The following AKT2 variants were observed in gnomAD, a reference collection of about 807,000 sequenced individuals.
AKT2 encodes RAC-beta serine/threonine-protein kinase.
A neutral mutation model predicts 58.6 loss-of-function variants in AKT2; 16 were observed. That is an observed-to-expected ratio of 0.27 (90% CI 0.18 to 0.41). The LOEUF is 0.41. Among genes scored for constraint, AKT2 ranks in the 10% least tolerant of loss-of-function variants. The pLI, the probability that AKT2 is intolerant of heterozygous loss-of-function variation, is 1.00. For missense variants in AKT2, 438 were observed against 661.0 expected (o/e 0.66, Z 3.70); for synonymous variants, 253 against 254.0 (o/e 1.00, Z 0.04).
At chr19:40,241,555 A>G (rs1275335450) in intron 6 of AKT2, 2 of 276,322 alleles carry the variant, frequency 7.2e-6, no homozygotes, top group Non-Finnish European at 1.4e-5. Context: ...ACTACAAAAA[A>G]TTCAAATAAG....
At chr19:40,265,439 G>A (rs568753872) in intron 1 of AKT2, 88 bp from the exon 2 acceptor site, 2 of 1,496,122 alleles carry the variant, frequency 1.3e-6, no homozygotes, top group Admixed American at 2.0e-5. Context: ...AGGCCCTCTG[G>A]CTGTTCTGCC....
chr19:40,252,077 G>A (rs1169569978), intron 4 of AKT2, among the ~76,000 whole-genome samples: 1 of 152,154 alleles, frequency 6.6e-6, no homozygotes, highest in Non-Finnish European at 1.5e-5. Flanking sequence ...AGGAGGCGCT[G>A]CAGCACCTAG....
At chr19:40,251,946 G>A (rs149548575) in intron 4 of AKT2, among the ~76,000 whole-genome samples, 4 of 152,304 alleles carry the variant, frequency 2.6e-5, no homozygotes, top group African/African-American at 9.6e-5. Flanking sequence ...GGAGTGGGGC[G>A]CGTGGATGTC....
At chr19:40,264,718 C>T (rs976501443) in intron 2 of AKT2, among the ~76,000 whole-genome samples, 1 of 151,944 alleles carries the variant, frequency 6.6e-6, no homozygotes, top group Non-Finnish European at 1.5e-5. Flanking sequence ...TTGATGCCCC[C>T]CCGCCCCCAG....
rs764473862 is a variant in AKT2, at chr19:40,235,509, G to C, written c.1176-159C>G. 1.3e-6 allele frequency: 1 copy of C among 749,022 alleles called. No homozygotes were observed. Among genetic ancestry groups the C allele is most frequent in the Admixed American group, 2.0e-5 (1 of 49,120 alleles). The allele number at this position is 749,022 out of a possible 1,614,324, so 46.4% of individuals were successfully genotyped here. Reference sequence around the variant, plus strand: ...ACCGAGGCTCAGGGAGGGAGCTCACGTGCCCAGGGTCAGAGCCAGGGAGTC... The same window carrying C: ...ACCGAGGCTCAGGGAGGGAGCTCACCTGCCCAGGGTCAGAGCCAGGGAGTC... On this transcript the variant is annotated intron_variant, in intron 11 of 13. Transcript: ENST00000392038. This position sits in a 1 kb window ranked among gnomAD's most constrained non-coding sequence, Gnocchi z 6.3.
Position 40,234,385 on chromosome 19 carries a change from A to C in AKT2, c.1367-434T>G, listed in dbSNP as rs1973881836. On this transcript the variant is annotated intron_variant, in intron 13 of 13. Coordinates refer to ENST00000392038, the MANE Select transcript of AKT2 (RefSeq NM_001626.6). This position sits in a 1 kb window ranked among gnomAD's most constrained non-coding sequence, Gnocchi z 4.7. Reference sequence around the variant, plus strand: ...CATGGCTGGCTCCCGCCATGCAAGCAGTCCCCACCCCTCCCAGTGGCCCCC... The same window carrying C: ...CATGGCTGGCTCCCGCCATGCAAGCCGTCCCCACCCCTCCCAGTGGCCCCC... 4.4e-6 allele frequency: 1 copy of C among 226,876 alleles called. No individual in the cohort carries two copies. Among genetic ancestry groups the C allele is most frequent in the South Asian group, 1.1e-4 (1 of 9,442 alleles). 14.1% of individuals were successfully genotyped at this position (226,876 alleles called of 1,614,324 possible).
intron 1 of AKT2, among the ~76,000 whole-genome samples, chr19:40,279,960 A>T (rs1480121353): frequency 1.3e-5 from 2 of 152,088 alleles, no homozygotes; most frequent in Non-Finnish European, 2.9e-5. Context: ...CCCTACCCAC[A>T]CGTCACCTCC....
chr19:40,285,273 G>A lies in AKT2; in HGVS notation c.-177C>T. 1 of 395,230 alleles carries A rather than the reference G, an allele frequency of 2.5e-6. No individual in the cohort carries two copies. Among genetic ancestry groups the A allele is most frequent in the East Asian group, 3.6e-5 (1 of 27,804 alleles). The allele number at this position is 395,230 out of a possible 1,614,324, so 24.5% of individuals were successfully genotyped here. A position where few individuals can be genotyped will look rare whatever the true frequency, so the allele number is the denominator to read the frequency against. ...TTCCCTTTCCTTGTGTTTCCCGGCA[G>A]CGGCAACGGCGCCGGCAGCGGCAGC... On this transcript the variant is annotated 5_prime_UTR_variant, in exon 1 of 14. Transcript: ENST00000392038.
chr19:40,284,281 A>C (rs2086368483), intron 1 of AKT2, among the ~76,000 whole-genome samples: 2 of 152,120 alleles, frequency 1.3e-5, no homozygotes, highest in South Asian at 4.1e-4. Flanking sequence ...ACGGCTCCTC[A>C]AATCCAAGCC....
intron 4 of AKT2, among the ~76,000 whole-genome samples, chr19:40,246,956 C>T (rs1974796886): frequency 6.6e-6 from 1 of 152,226 alleles, no homozygotes; most frequent in Non-Finnish European, 1.5e-5. Context: ...AGGGAGGGTG[C>T]CGAAGACACT....
chr19:40,236,204 G>A (rs757215727), intron 10 of AKT2, 53 bp downstream of exon 10: 19 of 1,613,296 alleles, frequency 1.2e-5, no homozygotes, highest in Non-Finnish European at 1.6e-5. Context: ...CAGGTCTGGG[G>A]GATCCCCCTA....
Position 40,242,076 on chromosome 19 carries a change from G to A in AKT2, c.442-7C>T. 5 of 1,614,202 alleles carry A rather than the reference G, an allele frequency of 3.1e-6. No homozygotes were observed. The highest frequency in any genetic ancestry group is 4.2e-6 in the Non-Finnish European group (5 of 1,180,046). Reference sequence around the variant, plus strand: ...AGTCGAAGTCATTCATGGTCTGCCAGGGACAGGGAGAGTGGGGGCAGTCAG... The same window carrying A: ...AGTCGAAGTCATTCATGGTCTGCCAAGGACAGGGAGAGTGGGGGCAGTCAG... On this transcript the variant is annotated splice_region_variant and splice_polypyrimidine_tract_variant and intron_variant, in intron 5 of 13. Coordinates refer to ENST00000392038, the MANE Select transcript of AKT2 (RefSeq NM_001626.6). This position sits in a 1 kb window ranked among gnomAD's most constrained non-coding sequence, Gnocchi z 4.3.
At chr19:40,264,713 G>GT (rs1015130447) in intron 2 of AKT2, among the ~76,000 whole-genome samples, 16 of 151,516 alleles carry the variant, frequency 1.1e-4, no homozygotes, top group Non-Finnish European at 2.1e-4. Context: ...GCCTCTTGAT[G>GT]CCCCCCCGCC....
At chr19:40,281,466 T>C (rs867878861) in intron 1 of AKT2, among the ~76,000 whole-genome samples, 2 of 151,784 alleles carry the variant, frequency 1.3e-5, no homozygotes, top group Middle Eastern at 6.8e-3. Context: ...CACTCCAGCC[T>C]GGGTGACAGA....
intron 4 of AKT2, among the ~76,000 whole-genome samples, chr19:40,249,531 G>A (rs1205247573): frequency 6.6e-6 from 1 of 152,186 alleles, no homozygotes; most frequent in Non-Finnish European, 1.5e-5. Context: ...AGCAGAGGTG[G>A]CAGGGCTGTC....
At chr19:40,281,846 T>G (rs2077429590) in intron 1 of AKT2, among the ~76,000 whole-genome samples, 1 of 152,236 alleles carries the variant, frequency 6.6e-6, no homozygotes, top group Non-Finnish European at 1.5e-5. Context: ...TCCGGTAGGC[T>G]TATTGTATGC....
chr19:40,236,593 G>A (rs1437000701), intron 9 of AKT2: 4 of 644,426 alleles, frequency 6.2e-6, no homozygotes, highest in Non-Finnish European at 8.1e-6. Flanking sequence ...CATGGTACCT[G>A]GGAACAGCTG....
chr19:40,273,962 G>T (rs971051246), intron 1 of AKT2, among the ~76,000 whole-genome samples: 7 of 152,054 alleles, frequency 4.6e-5, no homozygotes, highest in African/African-American at 1.7e-4. Flanking sequence ...TGGTCTGCTC[G>T]CTCCAACACA....
At chr19:40,255,049 T>C (rs1177656535) in intron 4 of AKT2, 109 bp downstream of exon 4, 13 of 875,958 alleles carry the variant, frequency 1.5e-5, no homozygotes, top group African/African-American at 3.3e-5. Flanking sequence ...GAAGCGCAGA[T>C]AGGAAACCCC....
Sources: allele counts gnomAD v4.1 joint callset (sites outside exome capture counted in the v4.1 genomes callset), GRCh38; gene constraint gnomAD v4.1.1; non-coding constraint Gnocchi (gnomAD v3.1); transcripts MANE v1.5; gene names NCBI Gene and HGNC (gene_info 2026-07-23, HGNC 2026-07-21).